The following ATXN7L1 variants were observed in gnomAD, a reference collection of about 807,000 sequenced individuals.
ATXN7L1 encodes ataxin 7 like 1.
A neutral mutation model predicts 70.8 loss-of-function variants in ATXN7L1; 15 were observed. The observed-to-expected ratio is 0.21, with a 90% CI of 0.14 to 0.33. The LOEUF is 0.33. ATXN7L1 is among the 10% of genes least tolerant of loss of function. ATXN7L1 has a pLI of 1.00. For missense variants in ATXN7L1, 975 were observed against 1,097.1 expected (o/e 0.89, Z 1.57); for synonymous variants, 440 against 445.1 (o/e 0.99, Z 0.14).
chr7:105,654,699 C>T (rs1212313232), intron 4 of ATXN7L1, among the ~76,000 whole-genome samples: 1 of 152,068 alleles, frequency 6.6e-6, no homozygotes, highest in Non-Finnish European at 1.5e-5. Flanking sequence ...TATGAAGGAC[C>T]ATGGTTACTA....
At chr7:105,698,610 G>A (rs1332264172) in intron 3 of ATXN7L1, among the ~76,000 whole-genome samples, 1 of 152,006 alleles carries the variant, frequency 6.6e-6, no homozygotes, top group Non-Finnish European at 1.5e-5. Context: ...TGCCTGCCTC[G>A]GCCTCCCAAA....
At chr7:105,751,936 A>G (rs1275564057) in intron 3 of ATXN7L1, among the ~76,000 whole-genome samples, 1 of 152,244 alleles carries the variant, frequency 6.6e-6, no homozygotes, top group African/African-American at 2.4e-5. Context: ...AACAACCATA[A>G]TCTTGAAAAC....
At chr7:105,769,161 G>C (rs1801659623) in intron 3 of ATXN7L1, among the ~76,000 whole-genome samples, 1 of 152,210 alleles carries the variant, frequency 6.6e-6, no homozygotes, top group African/African-American at 2.4e-5. Context: ...TGAGCTACAA[G>C]AGTGCTTTGG....
intron 5 of ATXN7L1, among the ~76,000 whole-genome samples, chr7:105,640,500 C>G (rs1402347916): frequency 6.6e-6 from 1 of 152,196 alleles, no homozygotes; most frequent in Non-Finnish European, 1.5e-5. Flanking sequence ...GCTGTCCTCA[C>G]CTTAAAAATG....
At chr7:105,847,499 A>C (rs1450375841) in intron 2 of ATXN7L1, among the ~76,000 whole-genome samples, 1 of 152,202 alleles carries the variant, frequency 6.6e-6, no homozygotes, top group Non-Finnish European at 1.5e-5. Context: ...AGGTAAAATC[A>C]GGGCAGGGTT....
In ATXN7L1 at chr7:105,604,880, G is replaced by A. The variant is rs552918110; in HGVS notation, c.*2972C>T. On this transcript the variant is annotated 3_prime_UTR_variant, in exon 12 of 12. Coordinates refer to ENST00000419735, the MANE Select transcript of ATXN7L1 (RefSeq NM_020725.2). ...GGCCGACAGCATAACAAAATATAAGGTGTAAATAGAAAATTTCTTTTTTTC... is the reference window on the plus strand; with the variant it reads ...GGCCGACAGCATAACAAAATATAAGATGTAAATAGAAAATTTCTTTTTTTC... Among the ~76,000 whole-genome samples the A allele has an allele frequency of 2.0e-4, 30 of 152,142 alleles. No homozygotes were observed. The highest frequency in any genetic ancestry group is 4.1e-4 in the Non-Finnish European group (28 of 68,000).
chr7:105,826,920 G>T (rs1304606834), intron 2 of ATXN7L1, among the ~76,000 whole-genome samples: 1 of 152,100 alleles, frequency 6.6e-6, no homozygotes, highest in Non-Finnish European at 1.5e-5. Context: ...TTTACCTTTG[G>T]GATATAGAAG....
chr7:105,696,233 A>C (rs1425613632), intron 3 of ATXN7L1, among the ~76,000 whole-genome samples: 2 of 152,236 alleles, frequency 1.3e-5, no homozygotes, highest in African/African-American at 2.4e-5. Flanking sequence ...AATGCTCTGC[A>C]GCTTGGCGGG....
In ATXN7L1 at chr7:105,736,741, C is replaced by T. The variant is rs191836285; in HGVS notation, c.355+51863G>A. Among the ~76,000 whole-genome samples the T allele has an allele frequency of 1.9e-3, 286 of 152,322 alleles. 1 individual carries two copies. The highest frequency in any genetic ancestry group is 6.7e-3 in the African/African-American group (280 of 41,576). On this transcript the variant is annotated intron_variant, in intron 3 of 11. Coordinates refer to ENST00000419735, the MANE Select transcript of ATXN7L1 (RefSeq NM_020725.2). ...ACATATTTACGGACCAGCTCTTCCCCAGACTAATTAAATCAGGATCTCTGG... is the reference window on the plus strand; with the variant it reads ...ACATATTTACGGACCAGCTCTTCCCTAGACTAATTAAATCAGGATCTCTGG...
intron 2 of ATXN7L1, among the ~76,000 whole-genome samples, chr7:105,825,445 T>C (rs1162252439): frequency 3.3e-5 from 5 of 151,296 alleles, no homozygotes; most frequent in Admixed American, 6.6e-5. Flanking sequence ...GGGCCAAAAA[T>C]AGTGACAGGA....
chr7:105,643,322 A>G (rs1798523384), intron 4 of ATXN7L1, among the ~76,000 whole-genome samples: 1 of 152,108 alleles, frequency 6.6e-6, no homozygotes, highest in Non-Finnish European at 1.5e-5. Flanking sequence ...CGAGGCTGGC[A>G]CAGTGTCAGG....
At chr7:105,656,695 C>T (rs1030919451) in intron 4 of ATXN7L1, among the ~76,000 whole-genome samples, 9 of 151,952 alleles carry the variant, frequency 5.9e-5, no homozygotes, top group Non-Finnish European at 1.2e-4. Flanking sequence ...CTCAGCCTCC[C>T]AAGTAGCTGG....
At chr7:105,724,051 A>G in intron 3 of ATXN7L1, among the ~76,000 whole-genome samples, 1 of 152,202 alleles carries the variant, frequency 6.6e-6, no homozygotes, top group East Asian at 1.9e-4. Context: ...GATGAGGTGT[A>G]TTAGTTTCCT....
chr7:105,611,126 G>A (rs1793113119), intron 10 of ATXN7L1, among the ~76,000 whole-genome samples: 1 of 152,236 alleles, frequency 6.6e-6, no homozygotes, highest in Non-Finnish European at 1.5e-5. Context: ...TAGGAAAATA[G>A]CACGATGGTG....
Position 105,605,042 on chromosome 7 carries a change from C to CTGTTTTT in ATXN7L1, c.*2809_*2810insAAAAACA, listed in dbSNP as rs1792694647. 1 of 71,560 alleles carries CTGTTTTT rather than the reference C, an allele frequency of 1.4e-5. No individual in the cohort carries two copies. The allele number at this position is 71,560 out of a possible 1,614,324, so 4.4% of individuals were successfully genotyped here. On this transcript the variant is annotated 3_prime_UTR_variant, in exon 12 of 12. Coordinates refer to ENST00000419735, the MANE Select transcript of ATXN7L1 (RefSeq NM_020725.2). Reference sequence around the variant, plus strand: ...GAAGGCATACAAGTTATCCAAGTCGCTTTTTTTTTTTTTTTTTTTTTTTTA... The same window carrying CTGTTTTT: ...GAAGGCATACAAGTTATCCAAGTCGCTGTTTTTTTTTTTTTTTTTTTTTTTTTTTTTA...
chr7:105,847,240 G>A (rs1218287467), intron 2 of ATXN7L1, among the ~76,000 whole-genome samples: 1 of 152,156 alleles, frequency 6.6e-6, no homozygotes, highest in African/African-American at 2.4e-5. Flanking sequence ...GTTACCATGT[G>A]CACTCCAACT....
At chr7:105,795,533 A>C (rs1277347239) in intron 2 of ATXN7L1, among the ~76,000 whole-genome samples, 1 of 152,174 alleles carries the variant, frequency 6.6e-6, no homozygotes, top group Non-Finnish European at 1.5e-5. Context: ...GATACCTTCC[A>C]AGGCTCGAGA....
chr7:105,672,295 C>G (rs999785237), intron 3 of ATXN7L1, among the ~76,000 whole-genome samples: 9 of 151,738 alleles, frequency 5.9e-5, no homozygotes, highest in Admixed American at 1.3e-4. Context: ...CCTGCCCCCC[C>G]CAAAAAAGAG....
intron 3 of ATXN7L1, among the ~76,000 whole-genome samples, chr7:105,784,435 A>AACACACACAC (rs10667714): frequency 0.021 from 3,124 of 149,690 alleles, 73 homozygotes; most frequent in African/African-American, 0.06. Context: ...TGACTGGCTA[A>AACACACACAC]ACACACACAC....
Sources: gnomAD v4.1 joint callset for allele counts (sites outside exome capture counted in the v4.1 genomes callset) on GRCh38, gnomAD v4.1.1 for gene constraint, MANE v1.5 for transcripts, NCBI Gene and HGNC (gene_info 2026-07-23, HGNC 2026-07-21) for gene names.